COL4A2: variants seen among roughly 807,000 people sequenced by gnomAD.
COL4A2 encodes the protein collagen type IV alpha 2 chain, also known as collagen alpha-2(IV) chain.
Under a neutral mutation model 200.2 loss-of-function variants are expected in COL4A2, and 99 were observed. That is an observed-to-expected ratio of 0.49 (90% CI 0.42 to 0.58). The LOEUF is 0.58. Among genes scored for constraint, COL4A2 ranks in the 20% least tolerant of loss-of-function variants. The pLI is 0.00. For missense variants in COL4A2, 1,950 were observed against 2,314.1 expected (o/e 0.84, Z 3.23); for synonymous variants, 897 against 900.6 (o/e 1.00, Z 0.07).
chr13:110,487,983 C>T (rs1300851680), intron 34 of COL4A2, among the ~76,000 whole-genome samples: 5 of 152,138 alleles, frequency 3.3e-5, no homozygotes, highest in Non-Finnish European at 7.4e-5. Context: ...AAGGTGCAGC[C>T]TGTGGATACC....
rs1168413945 is a variant in COL4A2 at position 110,469,363 on chromosome 13, C to T, written c.2203+39C>T. 4.5e-6 allele frequency: 7 copies of T among 1,543,402 alleles called. No individual in the cohort carries two copies. In the South Asian group the frequency reaches 7.2e-5, roughly 16 times the overall value. ...AGACCCCCATTCAGCCCCTGGGTTC[C>T]AGCGGGAACCTGTGTGTGATTCATA... On this transcript the variant is annotated intron_variant, in intron 28 of 47. Coordinates refer to ENST00000360467, the MANE Select transcript of COL4A2 (RefSeq NM_001846.4).
intron 16 of COL4A2, 90 bp from the exon 17 acceptor site, chr13:110,445,739 T>A (rs1594217937): frequency 6.7e-7 from 1 of 1,493,670 alleles, no homozygotes; most frequent in East Asian, 2.3e-5. Context: ...AAACTGTTGT[T>A]CATTTTGTGA....
At chr13:110,488,521 C>A (rs998682494) in intron 34 of COL4A2, among the ~76,000 whole-genome samples, 1 of 152,168 alleles carries the variant, frequency 6.6e-6, no homozygotes, top group African/African-American at 2.4e-5. Flanking sequence ...CCTTACCAGC[C>A]ACCTGTGTCT....
At chr13:110,326,902 C>T (rs572819939) in intron 3 of COL4A2, among the ~76,000 whole-genome samples, 6 of 152,244 alleles carry the variant, frequency 3.9e-5, no homozygotes, top group Non-Finnish European at 7.3e-5. Flanking sequence ...CGCTCAAGAG[C>T]GTGACCACTT....
In COL4A2 at chr13:110,492,212, C is replaced by T. The variant is rs1043600706; in HGVS notation, c.3562+35C>T. On this transcript the variant is annotated intron_variant, in intron 38 of 47. Transcript: ENST00000360467. ...CGTAAAACACGTGGTCACCCAGACC[C>T]AGAGTCGTGGGCTGTGCAGGAGGCA... 10 of 1,536,844 alleles carry T rather than the reference C, an allele frequency of 6.5e-6. No individual in the cohort carries two copies. In the Admixed American group the frequency reaches 1.4e-4, roughly 21 times the overall value.
chr13:110,511,817 T>G (rs540658400), intron 47 of COL4A2, 117 bp from the exon 48 acceptor site: 2 of 1,512,942 alleles, frequency 1.3e-6, no homozygotes, highest in South Asian at 2.4e-5. Context: ...ATGTCCGTAT[T>G]GACACTCATG....
chr13:110,421,976 C>A (rs139215508), intron 4 of COL4A2, among the ~76,000 whole-genome samples: 9 of 152,320 alleles, frequency 5.9e-5, no homozygotes, highest in African/African-American at 2.2e-4. Context: ...TGGTTAGTAG[C>A]AGATGTTCCC....
At chr13:110,502,767 A>T in intron 41 of COL4A2, 1 of 219,466 alleles carries the variant, frequency 4.6e-6, no homozygotes, top group Non-Finnish European at 8.9e-6. Context: ...GAAGTCATCA[A>T]ATTCATAGAA....
At chr13:110,490,370 G>C (rs565438825) in intron 36 of COL4A2, among the ~76,000 whole-genome samples, 1 of 152,236 alleles carries the variant, frequency 6.6e-6, no homozygotes, top group Admixed American at 6.5e-5. Flanking sequence ...TTTTCTTTTG[G>C]GGGGACCCCA....
intron 21 of COL4A2, among the ~76,000 whole-genome samples, chr13:110,457,898 T>G (rs528244208): frequency 6.6e-6 from 1 of 152,234 alleles, no homozygotes; most frequent in African/African-American, 2.4e-5. Flanking sequence ...TGCCCGGGTC[T>G]CCCTTCCCGT....
At chr13:110,416,164 A>G (rs1446676881) in intron 4 of COL4A2, among the ~76,000 whole-genome samples, 2 of 152,260 alleles carry the variant, frequency 1.3e-5, no homozygotes, top group African/African-American at 4.8e-5. Flanking sequence ...CATGACATCC[A>G]GGCTGCATGA....
At chr13:110,474,820 C>T (rs1190001177) in intron 29 of COL4A2, among the ~76,000 whole-genome samples, 4 of 149,528 alleles carry the variant, frequency 2.7e-5, no homozygotes, top group Non-Finnish European at 5.9e-5. Flanking sequence ...CACACATGCA[C>T]GTACCCACAC....
At chr13:110,496,590 AG>A (rs1883463268) in intron 40 of COL4A2, among the ~76,000 whole-genome samples, 2 of 148,062 alleles carry the variant, frequency 1.4e-5, no homozygotes, top group Admixed American at 6.7e-5. Flanking sequence ...AGCCTCAGTC[AG>A]AGTTGAGGAT....
At chr13:110,425,999 T>A (rs1215539983) in intron 6 of COL4A2, among the ~76,000 whole-genome samples, 1 of 152,162 alleles carries the variant, frequency 6.6e-6, no homozygotes, top group Admixed American at 6.5e-5. Flanking sequence ...GCTACCTGAA[T>A]GGTAGGCTCA....
At position 110,469,500 on chromosome 13, in the gene COL4A2, T is replaced by C. The variant is rs9515230; in HGVS notation, c.2203+176T>C. On this transcript the variant is annotated intron_variant, in intron 28 of 47. Coordinates refer to ENST00000360467, the MANE Select transcript of COL4A2 (RefSeq NM_001846.4). ...AATTCTTGATTTTTCATAACTGATA[T>C]TGTACTGGGTTTTTGCAGAAGCTAT... 0.083 allele frequency among the ~76,000 whole-genome samples: 12,705 copies of C among 152,276 alleles called. 636 individuals carry two copies. Among genetic ancestry groups the C allele is most frequent in the Middle Eastern group, 0.17 (50 of 294 alleles).
intron 4 of COL4A2, among the ~76,000 whole-genome samples, chr13:110,383,049 CAG>C (rs1878549242): frequency 6.6e-6 from 1 of 152,196 alleles, no homozygotes; most frequent in South Asian, 2.1e-4. Context: ...AAGATTCTGA[CAG>C]AGAATCAACT....
intron 27 of COL4A2, among the ~76,000 whole-genome samples, chr13:110,468,737 C>T (rs1350302751): frequency 6.6e-6 from 1 of 152,190 alleles, no homozygotes; most frequent in Non-Finnish European, 1.5e-5. Context: ...GCTGAGGAAC[C>T]TCAGCCCTTC....
chr13:110,431,472 A>G (rs1017178269), intron 10 of COL4A2, among the ~76,000 whole-genome samples: 6 of 152,216 alleles, frequency 3.9e-5, no homozygotes, highest in African/African-American at 1.4e-4. Context: ...CTACAAAGCA[A>G]ATTTCCCCGG....
intron 4 of COL4A2, among the ~76,000 whole-genome samples, chr13:110,360,188 C>T (rs562315670): frequency 6.6e-5 from 10 of 152,332 alleles, no homozygotes; most frequent in South Asian, 2.1e-4. Flanking sequence ...GTGGTATACA[C>T]ATATCTGTGA....
Sources: allele counts gnomAD v4.1 joint callset (sites outside exome capture counted in the v4.1 genomes callset), GRCh38; gene constraint gnomAD v4.1.1; transcripts MANE v1.5; gene names NCBI Gene and HGNC (gene_info 2026-07-23, HGNC 2026-07-21).